Variants in NBPF3 observed in about 807,000 individuals in gnomAD.
NBPF3 encodes NBPF family member NBPF3.
A neutral mutation model predicts 78.1 loss-of-function variants in NBPF3; 57 were observed. The ratio of observed to expected loss-of-function variants is 0.73; its 90% CI spans 0.59 to 0.91. The LOEUF (loss-of-function observed/expected upper bound fraction) is 0.91. Ranked by LOEUF, NBPF3 falls within the 40% of genes least tolerant of loss-of-function variation. The pLI is 0.00. For synonymous variants in NBPF3, 182 were observed against 271.7 expected, an observed-to-expected ratio of 0.67 and a Z score of 3.25; for missense variants, 510 against 715.3, an observed-to-expected ratio of 0.71 and a Z score of 3.27.
At chr1:21,452,082 T>G (rs188784451) in intron 2 of NBPF3, among the ~76,000 whole-genome samples, 241 of 152,366 alleles carry the variant, frequency 1.6e-3, no homozygotes, top group African/African-American at 5.6e-3. Context: ...AAACATTCTT[T>G]AGATAAGAAT....
intron 6 of NBPF3, 148 bp from the exon 7 acceptor site, chr1:21,473,232 G>T: frequency 1.0e-6 from 1 of 1,004,176 alleles, no homozygotes; most frequent in South Asian, 1.4e-5. Flanking sequence ...GAGAGAAGAG[G>T]ATTGCCTGTT....
In NBPF3 at chr1:21,480,065, T is replaced by A. The variant is rs1388920911; in HGVS notation, c.1223T>A (p.Leu408Gln). 5 of 1,193,794 alleles carry A rather than the reference T, an allele frequency of 4.2e-6. No individual in the cohort carries two copies. The highest frequency in any genetic ancestry group is 6.3e-6 in the Non-Finnish European group (5 of 795,112). The allele number at this position is 1,193,794 out of a possible 1,614,324, so 74.0% of individuals were successfully genotyped here. The change falls in exon 11 of 15, where the codon CTG (leucine) becomes CAG (glutamine). Residue 408 changes from leucine (L) to glutamine (Q), a missense_variant. Transcript: ENST00000318249. ...TACTTTTCCAGGCTCAGCAGGGAGC[T>A]GCTGGATGAGAAAGAGCCTGAAGTC... is the stretch of plus-strand genomic sequence containing the variant. ...EATSPRLSRE[L>Q]LDEKEPEVLQ...
Position 21,440,474 on chromosome 1 carries a change from T to TG in NBPF3, c.-140+132dup, listed in dbSNP as rs1410367742. Reference sequence around the variant, plus strand: ...GGGGGCGGGTGGGAGGTGGGGGGTGTGGGGGGTCGTGCACCGCCGGGGGCT... The same window carrying TG: ...GGGGGCGGGTGGGAGGTGGGGGGTGTGGGGGGGTCGTGCACCGCCGGGGGCT... On this transcript the variant is annotated intron_variant, in intron 1 of 14. Coordinates refer to ENST00000318249, the MANE Select transcript of NBPF3 (RefSeq NM_032264.6). 4 of 61,032 alleles carry TG rather than the reference T, an allele frequency of 6.6e-5. No homozygotes were observed. In the South Asian group the frequency reaches 2.1e-3, roughly 32 times the overall value. 3.8% of individuals were successfully genotyped at this position (61,032 alleles called of 1,614,324 possible).
intron 1 of NBPF3, among the ~76,000 whole-genome samples, chr1:21,443,717 A>C (rs1160492790): frequency 6.6e-6 from 1 of 151,880 alleles, no homozygotes; most frequent in Non-Finnish European, 1.5e-5. Flanking sequence ...AGGCTCAAGC[A>C]GTCCTCCCAC....
At chr1:21,472,522 G>A (rs551159282) in intron 5 of NBPF3, among the ~76,000 whole-genome samples, 1 of 152,338 alleles carries the variant, frequency 6.6e-6, no homozygotes, top group Admixed American at 6.5e-5. Flanking sequence ...CACCAAGCCC[G>A]TGCCTGGGAA....
intron 14 of NBPF3, 22 bp from the exon 15 acceptor site, chr1:21,483,121 T>C (rs199829299): frequency 6.2e-7 from 1 of 1,612,582 alleles, no homozygotes; most frequent in Non-Finnish European, 8.5e-7. Context: ...GGCTGCTTCT[T>C]TAGTTTTGTC....
At chr1:21,469,170 A>C (rs536095750) in intron 3 of NBPF3, among the ~76,000 whole-genome samples, 17 of 152,352 alleles carry the variant, frequency 1.1e-4, no homozygotes, top group African/African-American at 3.4e-4. Flanking sequence ...TGTTTTCTCC[A>C]AGAGGCTAAA....
chr1:21,459,157 C>T (rs1345448267), intron 2 of NBPF3, among the ~76,000 whole-genome samples: 4 of 152,142 alleles, frequency 2.6e-5, no homozygotes, highest in Admixed American at 6.5e-5. Flanking sequence ...CATATTACCT[C>T]AACAGAATTC....
intron 9 of NBPF3, among the ~76,000 whole-genome samples, chr1:21,479,117 A>G (rs769599320): frequency 5.3e-5 from 8 of 152,362 alleles, no homozygotes; most frequent in Non-Finnish European, 1.2e-4. Context: ...AGGACAGAGC[A>G]CACTGGGAAG....
At chr1:21,478,331 A>G (rs1242861930) in intron 9 of NBPF3, 24 bp downstream of exon 9, 1 of 1,609,426 alleles carries the variant, frequency 6.2e-7, no homozygotes, top group Non-Finnish European at 8.5e-7. Flanking sequence ...TTTGAAGGTG[A>G]TAAAGCTCCA....
intron 2 of NBPF3, among the ~76,000 whole-genome samples, chr1:21,464,068 TAAAA>T (rs910727545): frequency 5.3e-5 from 8 of 152,000 alleles, no homozygotes; most frequent in Non-Finnish European, 1.2e-4. Context: ...AAGTTAAACA[TAAAA>T]AAAGTTAAAC....
At chr1:21,446,706 A>G (rs1317671814) in intron 2 of NBPF3, among the ~76,000 whole-genome samples, 2 of 151,724 alleles carry the variant, frequency 1.3e-5, no homozygotes, top group Admixed American at 6.6e-5. Flanking sequence ...TTATTTACCA[A>G]AATCTCCAGA....
rs372207779 is a variant in NBPF3 at position 21,445,092 on chromosome 1, A to G, written c.6A>G (p.Pro2=). M[P]LTPTVQGFQW... Reference sequence around the variant, plus strand: ...TCTTGGCCTCCACACTGGGGATGCCACTGACTCCCACTGTCCAGGGCTTCC... The same window carrying G: ...TCTTGGCCTCCACACTGGGGATGCCGCTGACTCCCACTGTCCAGGGCTTCC... Residue 2 remains proline, a synonymous_variant, in exon 2 of 15, where the codon CCA becomes CCG. Coordinates refer to ENST00000318249, the MANE Select transcript of NBPF3 (RefSeq NM_032264.6). 9.3e-6 allele frequency: 15 copies of G among 1,611,204 alleles called. 1 individual carries two copies. The highest frequency in any genetic ancestry group is 8.3e-5 in the Admixed American group (5 of 59,936).
At chr1:21,459,418 T>C (rs1337588021) in intron 2 of NBPF3, among the ~76,000 whole-genome samples, 1 of 152,202 alleles carries the variant, frequency 6.6e-6, no homozygotes, top group African/African-American at 2.4e-5. Context: ...TATGTAGTTA[T>C]TTATTTTAGT....
chr1:21,479,224 C>G, intron 9 of NBPF3, 125 bp from the exon 10 acceptor site: 2 of 1,080,600 alleles, frequency 1.9e-6, no homozygotes, highest in Non-Finnish European at 2.8e-6. Flanking sequence ...GTATATTTCT[C>G]TCAAAGTCTC....
At chr1:21,438,532 T>C (rs544189746), upstream of NBPF3, among the ~76,000 whole-genome samples, 2 of 152,362 alleles carry the variant, frequency 1.3e-5, no homozygotes, top group African/African-American at 4.8e-5. Context: ...AGCTGTTCTA[T>C]ATATAGCACT....
At chr1:21,446,513 C>G (rs1006510606) in intron 2 of NBPF3, 1 of 143,018 alleles carries the variant, frequency 7.0e-6, no homozygotes, top group Non-Finnish European at 1.6e-5. Flanking sequence ...CTCCAACTCT[C>G]TTTCTCTTTA....
At chr1:21,454,057 G>T (rs971307634) in intron 2 of NBPF3, 13 of 152,210 alleles carry the variant, frequency 8.5e-5, no homozygotes, top group African/African-American at 3.1e-4. Flanking sequence ...GCTGCAGGAG[G>T]CCTAACGAAT....
At chr1:21,452,096 A>G (rs531886761) in intron 2 of NBPF3, among the ~76,000 whole-genome samples, 29 of 152,240 alleles carry the variant, frequency 1.9e-4, no homozygotes, top group Non-Finnish European at 3.7e-4. Flanking sequence ...TAAGAATTTA[A>G]TGGGCATTCT....
Sources: gnomAD v4.1 joint callset for allele counts (sites outside exome capture counted in the v4.1 genomes callset) on GRCh38, gnomAD v4.1.1 for gene constraint, MANE v1.5 for transcripts, NCBI Gene and HGNC (gene_info 2026-07-23, HGNC 2026-07-21) for gene names.